Variants in CPPED1 observed in about 807,000 individuals in gnomAD.
The protein encoded by CPPED1 is calcineurin like phosphoesterase domain containing 1.
Under a neutral mutation model 28.0 loss-of-function variants are expected in CPPED1, and 28 were observed. The ratio of observed to expected loss-of-function variants is 1.00; its 90% confidence interval spans 0.74 to 1.37. The LOEUF (loss-of-function observed/expected upper bound fraction) is 1.37. CPPED1 is among the 40% of genes most tolerant of loss of function. CPPED1 has a pLI of 0.00. For missense variants in CPPED1, 504 were observed against 416.5 expected (o/e 1.21, Z -1.83); for synonymous variants, 198 against 180.2 (o/e 1.10, Z -0.79).
At chr16:12,737,542 A>T (rs567521305) in intron 2 of CPPED1, among the ~76,000 whole-genome samples, 26 of 152,350 alleles carry the variant, frequency 1.7e-4, no homozygotes, top group African/African-American at 6.3e-4. Flanking sequence ...GGTTTTAAGC[A>T]GGCAAGGGCA....
chr16:12,735,100 G>A (rs1241923963), intron 2 of CPPED1, among the ~76,000 whole-genome samples: 2 of 152,276 alleles, frequency 1.3e-5, no homozygotes, highest in East Asian at 1.9e-4. Context: ...GGCTTGTGTT[G>A]CCACTGTCCC....
rs535646862 is a variant in CPPED1 at position 12,781,398 on chromosome 16, C to T, written c.76G>A (p.Glu26Lys). 1 of 1,611,306 alleles carries T rather than the reference C, an allele frequency of 6.2e-7. No homozygotes were observed. The highest frequency in any genetic ancestry group is 8.5e-7 in the Non-Finnish European group (1 of 1,179,162). The change falls in exon 2 of 4, where the codon GAA becomes AAA. Residue 26 changes from glutamate (E) to lysine (K), a missense_variant. By Grantham distance (56) the Glu-to-Lys change is moderately conservative. Coordinates refer to ENST00000381774, the MANE Select transcript of CPPED1 (RefSeq NM_018340.3). ...TAGAATGGGCCTTTCCATTCGCTTT[C>T]CTTTTCTTAAAAAAAGAGAGAGGGA... ...RTLAAFPAEK[E>K]SEWKGPFYFI...
chr16:12,774,729 A>G lies in CPPED1; in HGVS notation c.289+6456T>C, dbSNP rs1006366243. Among the ~76,000 whole-genome samples, 64 of 152,192 alleles carry G rather than the reference A, an allele frequency of 4.2e-4. 1 individual carries two copies. The highest frequency in any genetic ancestry group is 1.5e-3 in the African/African-American group (62 of 41,446). ...GATCGTGAGGGCCATGCCCTCATGA[A>G]TGGATGAGTCCATTCATGGATTAAT... is the stretch of plus-strand genomic sequence containing the variant. On this transcript the variant is annotated intron_variant, in intron 2 of 3. Coordinates refer to ENST00000381774, the MANE Select transcript of CPPED1 (RefSeq NM_018340.3).
intron 2 of CPPED1, among the ~76,000 whole-genome samples, chr16:12,735,465 TG>T: frequency 6.6e-6 from 1 of 152,304 alleles, no homozygotes; most frequent in Middle Eastern, 3.4e-3. Context: ...TTACCGTCCC[TG>T]GCTAATTTTT....
At chr16:12,686,241 A>ATATATATATTT (rs35644844) in intron 3 of CPPED1, among the ~76,000 whole-genome samples, 17 of 106,896 alleles carry the variant, frequency 1.6e-4, no homozygotes, top group African/African-American at 7.0e-4. Context: ...ATATATATAT[A>ATATATATATTT]TTTTTTTTTT....
rs532893503 is a variant in CPPED1, at chr16:12,746,300, T to C, written c.289+34885A>G. On this transcript the variant is annotated intron_variant, in intron 2 of 3. Coordinates refer to ENST00000381774, the MANE Select transcript of CPPED1 (RefSeq NM_018340.3). ...TGAAGCAGGAAAATTGCTTGAGCCTTGGAGGCAGAGTTACAGTGAGCTGAG... is the reference window on the plus strand; with the variant it reads ...TGAAGCAGGAAAATTGCTTGAGCCTCGGAGGCAGAGTTACAGTGAGCTGAG... Among the ~76,000 whole-genome samples the C allele has an allele frequency of 4.8e-5, 7 of 145,080 alleles. No homozygotes were observed. The East Asian group carries it at 1.4e-3, about 30-fold the overall frequency.
intron 2 of CPPED1, among the ~76,000 whole-genome samples, chr16:12,777,013 T>C (rs778997138): frequency 4.6e-5 from 7 of 152,174 alleles, no homozygotes; most frequent in Non-Finnish European, 8.8e-5. Flanking sequence ...GCTTATAAAT[T>C]ACTCAGTCTG....
chr16:12,787,227 C>A (rs1354243783), intron 1 of CPPED1, among the ~76,000 whole-genome samples: 2 of 152,110 alleles, frequency 1.3e-5, no homozygotes, highest in African/African-American at 2.4e-5. Context: ...TGATTAAGAT[C>A]TCATTTCTGA....
chr16:12,693,698 G>C (rs917793700), intron 3 of CPPED1, among the ~76,000 whole-genome samples: 1 of 152,162 alleles, frequency 6.6e-6, no homozygotes, highest in African/African-American at 2.4e-5. Context: ...TGAACTAGTA[G>C]ACGGAATGAG....
chr16:12,692,347 CA>C (rs1207840854), intron 3 of CPPED1, among the ~76,000 whole-genome samples: 20 of 152,188 alleles, frequency 1.3e-4, no homozygotes, highest in African/African-American at 4.6e-4. Flanking sequence ...GGCAGTGGGT[CA>C]GGGGTACCAA....
intron 3 of CPPED1, among the ~76,000 whole-genome samples, chr16:12,693,432 G>A (rs1342735181): frequency 6.6e-5 from 10 of 152,116 alleles, no homozygotes. Flanking sequence ...CTGGGCTCAA[G>A]CGACCCGCCC....
intron 3 of CPPED1, among the ~76,000 whole-genome samples, chr16:12,672,936 C>T (rs900739178): frequency 9.9e-5 from 15 of 152,118 alleles, no homozygotes; most frequent in African/African-American, 3.6e-4. Flanking sequence ...ATCGCTTGAA[C>T]TCGGGAGGCG....
chr16:12,696,446 T>C (rs2079991124), intron 3 of CPPED1, among the ~76,000 whole-genome samples: 1 of 149,672 alleles, frequency 6.7e-6, no homozygotes, highest in Non-Finnish European at 1.5e-5. Context: ...TTCTTTTTTT[T>C]TTTTTTTTTT....
chr16:12,693,886 T>C (rs1458678905), intron 3 of CPPED1, among the ~76,000 whole-genome samples: 1 of 152,200 alleles, frequency 6.6e-6, no homozygotes, highest in Non-Finnish European at 1.5e-5. Flanking sequence ...TTTTGAAATG[T>C]TGTGATGAAA....
chr16:12,793,486 T>TAG (rs2080608878), intron 1 of CPPED1, among the ~76,000 whole-genome samples: 1 of 152,220 alleles, frequency 6.6e-6, no homozygotes, highest in African/African-American at 2.4e-5. Context: ...CTCCCATTTC[T>TAG]ACCCTTTACC....
At chr16:12,718,686 G>C (rs1390210499) in intron 2 of CPPED1, among the ~76,000 whole-genome samples, 1 of 152,104 alleles carries the variant, frequency 6.6e-6, no homozygotes, top group Non-Finnish European at 1.5e-5. Flanking sequence ...CATTCAGCTG[G>C]GAGCGGTGGC....
At chr16:12,792,206 G>C (rs541071923) in intron 1 of CPPED1, among the ~76,000 whole-genome samples, 1 of 152,262 alleles carries the variant, frequency 6.6e-6, no homozygotes, top group East Asian at 1.9e-4. Context: ...ACTTGCCTCA[G>C]CCTCCCAAAG....
rs866982686 is a variant in CPPED1, at chr16:12,787,410, T to C, written c.71-6007A>G. On this transcript the variant is annotated intron_variant, in intron 1 of 3. Coordinates refer to ENST00000381774, the MANE Select transcript of CPPED1 (RefSeq NM_018340.3). ...TCCAGAATGAATTTTTCTTTCTTTT[T>C]TTTTTTTTTTTTTGAGATGGAGTCT... Among the ~76,000 whole-genome samples the C allele has an allele frequency of 6.5e-4, 92 of 142,342 alleles. 1 individual carries two copies. Among genetic ancestry groups the C allele is most frequent in the South Asian group, 1.3e-3 (6 of 4,458 alleles). 93.4% of individuals were successfully genotyped at this position (142,342 alleles called of 152,430 possible). A position where few individuals can be genotyped will look rare whatever the true frequency, so the allele number is the denominator to read the frequency against.
At chr16:12,671,110 C>T (rs576416800) in intron 3 of CPPED1, among the ~76,000 whole-genome samples, 1 of 152,172 alleles carries the variant, frequency 6.6e-6, no homozygotes, top group African/African-American at 2.4e-5. Flanking sequence ...CTTGGCCTCC[C>T]GAAGTGCTGG....
Sources: gnomAD v4.1 joint callset for allele counts (sites outside exome capture counted in the v4.1 genomes callset) on GRCh38, gnomAD v4.1.1 for gene constraint, MANE v1.5 for transcripts, NCBI Gene and HGNC (gene_info 2026-07-23, HGNC 2026-07-21) for gene names.